Variants in ADGRD1 observed in about 807,000 individuals in gnomAD.
ADGRD1 encodes the protein G-protein coupled receptor 133.
A neutral mutation model predicts 113.4 loss-of-function variants in ADGRD1; 77 were observed. The ratio of observed to expected loss-of-function variants is 0.68; its 90% CI spans 0.57 to 0.82. ADGRD1 has a LOEUF of 0.82. ADGRD1 is among the 40% of genes least tolerant of loss of function. ADGRD1 has a pLI of 0.00. For synonymous variants in ADGRD1, 474 were observed against 475.0 expected (o/e 1.00, Z 0.03); for missense variants, 1,036 against 1,139.1 (o/e 0.91, Z 1.30).
At chr12:131,114,427 G>T (rs1314712009) in intron 18 of ADGRD1, among the ~76,000 whole-genome samples, 1 of 152,152 alleles carries the variant, frequency 6.6e-6, no homozygotes, top group East Asian at 1.9e-4. Context: ...TGCAAATGGA[G>T]CGCTGGCTGG....
intron 4 of ADGRD1, among the ~76,000 whole-genome samples, chr12:130,972,616 T>G (rs1469159071): frequency 6.6e-6 from 1 of 152,076 alleles, no homozygotes; most frequent in Non-Finnish European, 1.5e-5. Flanking sequence ...TATTTATTTT[T>G]ACAAAGTAAA....
intron 21 of ADGRD1, among the ~76,000 whole-genome samples, chr12:131,132,268 G>A (rs557248144): frequency 6.6e-6 from 1 of 152,338 alleles, no homozygotes; most frequent in Non-Finnish European, 1.5e-5. Context: ...CAGGGAAGGT[G>A]CAAGGGAGAG....
chr12:130,992,587 C>T (rs1874568180), intron 8 of ADGRD1, 195 bp downstream of exon 8: 2 of 492,108 alleles, frequency 4.1e-6, no homozygotes, highest in East Asian at 6.4e-5. Flanking sequence ...GCGGAGCTTC[C>T]TTTATGGGCA....
At chr12:131,033,983 C>T (rs933175967) in intron 13 of ADGRD1, among the ~76,000 whole-genome samples, 11 of 152,170 alleles carry the variant, frequency 7.2e-5, no homozygotes, top group East Asian at 3.9e-4. Flanking sequence ...CGATTTCCAC[C>T]GGTACCCATC....
chr12:130,982,397 A>G (rs1406760502), intron 5 of ADGRD1, among the ~76,000 whole-genome samples: 1 of 152,242 alleles, frequency 6.6e-6, no homozygotes, highest in African/African-American at 2.4e-5. Context: ...TTTCCAGGAC[A>G]TTAAGCTGAA....
chr12:131,014,476 T>C, intron 13 of ADGRD1, 136 bp downstream of exon 13: 2 of 776,954 alleles, frequency 2.6e-6, no homozygotes, highest in Admixed American at 2.9e-5. Context: ...TTCCTCTCCC[T>C]GGAGCTCCTT....
chr12:131,003,316 G>T lies in ADGRD1; in HGVS notation c.1144+14G>T, dbSNP rs563561024. ...CTGCCATGGCAGGTAGCTGTCGCTT[G>T]TAAGGGTGAGCCACATGGCAGGGGC... is the stretch of plus-strand genomic sequence containing the variant. On this transcript the variant is annotated intron_variant, in intron 10 of 24. Transcript: ENST00000261654. This position sits in a 1 kb window ranked among gnomAD's most constrained non-coding sequence, Gnocchi z 4.8. 1.3e-6 allele frequency: 2 copies of T among 1,572,956 alleles called. No homozygotes were observed. The highest frequency in any genetic ancestry group is 1.7e-6 in the Non-Finnish European group (2 of 1,143,494).
At chr12:130,969,976 A>T (rs572462444) in intron 3 of ADGRD1, 1 of 152,228 alleles carries the variant, frequency 6.6e-6, no homozygotes, top group Non-Finnish European at 1.5e-5. Context: ...GGAAAATTAA[A>T]GTTAATTTAA....
chr12:131,091,603 G>T lies in ADGRD1; in HGVS notation c.1671+6940G>T, dbSNP rs1886912168. On this transcript the variant is annotated intron_variant, in intron 15 of 24. Transcript: ENST00000261654. The stretch of plus-strand genomic sequence containing the variant: ...AGCCACGCCAAAATCCCCTATGCGT[G>T]GGTGTGTTTCTGTATATGTGTTTAA... Among the ~76,000 whole-genome samples, 3 of 152,218 alleles carry T rather than the reference G, an allele frequency of 2.0e-5. No individual in the cohort carries two copies. The South Asian group carries it at 6.2e-4, about 32-fold the overall frequency.
intron 13 of ADGRD1, among the ~76,000 whole-genome samples, chr12:131,047,585 C>T (rs1415416902): frequency 6.6e-6 from 1 of 152,158 alleles, no homozygotes; most frequent in East Asian, 1.9e-4. Context: ...GCCCTGTGAG[C>T]TCACGTGGGG....
intron 15 of ADGRD1, among the ~76,000 whole-genome samples, 156 bp from the exon 16 acceptor site, chr12:131,104,675 G>A (rs766126120): frequency 2.6e-4 from 40 of 152,144 alleles, no homozygotes; most frequent in Non-Finnish European, 4.4e-5. Flanking sequence ...GGCCTCTGTC[G>A]GTGGCAGCAA....
rs1184234820 is a variant in ADGRD1, at chr12:131,084,710, G to A, written c.1671+47G>A. The A allele has an allele frequency of 1.9e-6, 3 of 1,603,268 alleles. No individual in the cohort carries two copies. Among genetic ancestry groups the A allele is most frequent in the East Asian group, 2.3e-5 (1 of 44,400 alleles). ...TCGCGGGACCTGGGGGACGTACCAT[G>A]AGGCTGCAGGTGGGGGCGGGAGGAT... On this transcript the variant is annotated intron_variant, in intron 15 of 24. Coordinates refer to ENST00000261654, the MANE Select transcript of ADGRD1 (RefSeq NM_198827.5). The surrounding 1 kb of genome is among the most constrained non-coding windows in gnomAD (Gnocchi z 4.5).
chr12:131,004,392 G>GCAGCGGTGCTCCCCCGGGCCGC, intron 11 of ADGRD1, 96 bp downstream of exon 11: 1 of 790,718 alleles, frequency 1.3e-6, no homozygotes, highest in Non-Finnish European at 2.1e-6. Context: ...GCGCCAGGGA[G>GCAGCGGTGCTCCCCCGGGCCGC]CTGCGGTGCT....
Position 130,998,385 on chromosome 12 carries a change from AG to A in ADGRD1, c.967-1997del, listed in dbSNP as rs772832080. Among the ~76,000 whole-genome samples the A allele has an allele frequency of 5.3e-5, 8 of 152,332 alleles. No homozygotes were observed. The East Asian group carries it at 1.5e-3, about 29-fold the overall frequency. ...GTCATGCAGATTTACCCAAAACCCC[AG>A]TGATCTCTGACCTGATGAGAAGTCA... On this transcript the variant is annotated intron_variant, in intron 8 of 24. Coordinates refer to ENST00000261654, the MANE Select transcript of ADGRD1 (RefSeq NM_198827.5).
intron 15 of ADGRD1, among the ~76,000 whole-genome samples, chr12:131,097,039 C>T (rs555371833): frequency 6.6e-6 from 1 of 152,336 alleles, no homozygotes; most frequent in Non-Finnish European, 1.5e-5. Flanking sequence ...ATGGATCTGG[C>T]TTCCACGGGG....
At chr12:131,015,993 T>C (rs1241565833) in intron 13 of ADGRD1, among the ~76,000 whole-genome samples, 1 of 152,228 alleles carries the variant, frequency 6.6e-6, no homozygotes, top group East Asian at 1.9e-4. Context: ...CGGCTTTCCA[T>C]GCACCTCTGG....
At chr12:130,983,338 C>G (rs967465725) in intron 5 of ADGRD1, among the ~76,000 whole-genome samples, 16 of 152,162 alleles carry the variant, frequency 1.1e-4, no homozygotes, top group Admixed American at 6.5e-4. Context: ...CAGCAAACAT[C>G]TACTTCAAAT....
Position 131,003,957 on chromosome 12 carries a change from C to T in ADGRD1, c.1145-229C>T, listed in dbSNP as rs79010112. On this transcript the variant is annotated intron_variant, in intron 10 of 24. Coordinates refer to ENST00000261654, the MANE Select transcript of ADGRD1 (RefSeq NM_198827.5). This position sits in a 1 kb window ranked among gnomAD's most constrained non-coding sequence, Gnocchi z 4.8. ...AGGGCGCCCCAGGTGAGGAGCCGCG[C>T]GCCCGTGGGCCGGAATGCTGAGCCT... 7.9e-3 allele frequency among the ~76,000 whole-genome samples: 1,199 copies of T among 150,884 alleles called. 9 individuals are homozygous for T. Among genetic ancestry groups the T allele is most frequent in the African/African-American group, 0.027 (1,131 of 41,206 alleles).
chr12:131,001,755 A>G (rs1235671134), intron 9 of ADGRD1, among the ~76,000 whole-genome samples: 1 of 152,178 alleles, frequency 6.6e-6, no homozygotes, highest in Admixed American at 6.5e-5. Context: ...CAAGGTTGCC[A>G]GGCAGGGGCA....
Sources: gnomAD v4.1 joint callset for allele counts (sites outside exome capture counted in the v4.1 genomes callset) on GRCh38, gnomAD v4.1.1 for gene constraint, Gnocchi (gnomAD v3.1) non-coding constraint, MANE v1.5 for transcripts, NCBI Gene and HGNC (gene_info 2026-07-23, HGNC 2026-07-21) for gene names.